The following S100A1 variants were observed in gnomAD, a reference collection of about 807,000 sequenced individuals.
S100A1 encodes the protein protein S100-A1.
In S100A1, 3 loss-of-function variants were observed where a neutral mutation model predicts 7.6. That is an observed-to-expected ratio of 0.40 (90% CI 0.18 to 1.02). The LOEUF (loss-of-function observed/expected upper bound fraction) is 1.02, where lower values mean the gene tolerates loss of function less well. S100A1 is among the 50% of genes least tolerant of loss of function. The pLI, the probability that S100A1 is intolerant of heterozygous loss-of-function variation, is 0.35. For synonymous variants in S100A1, 49 were observed against 49.0 expected, an observed-to-expected ratio of 1.00 and a Z score of 0.00; for missense variants, 126 against 115.0, an observed-to-expected ratio of 1.10 and a Z score of -0.44.
chr1:153,630,724 C>T lies in S100A1; in HGVS notation c.141+62C>T, dbSNP rs930598764. Reference sequence around the variant, plus strand: ...GAAGGTTGGGGGAATGGGGTGGACACCCCCTTGCTATCTCCCCACCCCACC... The same window carrying T: ...GAAGGTTGGGGGAATGGGGTGGACATCCCCTTGCTATCTCCCCACCCCACC... On this transcript the variant is annotated intron_variant, in intron 2 of 2. Transcript: ENST00000292169. The T allele has an allele frequency of 3.2e-6, 5 of 1,581,292 alleles. No individual in the cohort carries two copies. In the African/African-American group the frequency reaches 6.7e-5, roughly 21 times the overall value.
intron 1 of S100A1, 44 bp from the exon 2 acceptor site, chr1:153,630,465 T>C (rs989297776): frequency 7.5e-6 from 12 of 1,602,762 alleles, no homozygotes; most frequent in African/African-American, 4.0e-5. Flanking sequence ...CCCCAGGTAC[T>C]CCGGGCCTGG....
intron 1 of S100A1, 192 bp from the exon 2 acceptor site, chr1:153,630,317 A>C: frequency 7.9e-6 from 5 of 636,406 alleles, no homozygotes; most frequent in Non-Finnish European, 1.3e-5. Flanking sequence ...GACACAGAGA[A>C]CAGGCCTGCA....
intron 2 of S100A1, 29 bp downstream of exon 2, chr1:153,630,691 G>C (rs1236920994): frequency 6.2e-7 from 1 of 1,611,644 alleles, no homozygotes; most frequent in Non-Finnish European, 8.5e-7. Flanking sequence ...AGTGGGAGTG[G>C]AGTGGGTGAA....
intron 1 of S100A1, chr1:153,629,267 C>T (rs915755353): frequency 6.6e-6 from 1 of 152,298 alleles, no homozygotes; most frequent in Admixed American, 6.5e-5. Context: ...CAGCACCCCT[C>T]CCTCAAGCAC....
chr1:153,630,321 G>A, intron 1 of S100A1, 188 bp from the exon 2 acceptor site: 2 of 678,080 alleles, frequency 2.9e-6, no homozygotes, highest in Non-Finnish European at 4.8e-6. Context: ...CAGAGAACAG[G>A]CCTGCACTTA....
At chr1:153,631,396 C>A in intron 2 of S100A1, 1 of 1,393,682 alleles carries the variant, frequency 7.2e-7, no homozygotes, top group Non-Finnish European at 9.8e-7. Context: ...ACATACCTCA[C>A]ATTATTTGTA....
intron 2 of S100A1, chr1:153,631,475 A>G (rs764118984): frequency 6.9e-6 from 11 of 1,595,008 alleles, no homozygotes; most frequent in Non-Finnish European, 9.4e-6. Context: ...GGCACTGAAC[A>G]TACGGTAACT....
At chr1:153,628,588 C>T (rs966579046) in intron 1 of S100A1, 92 bp downstream of exon 1, 246 of 1,493,368 alleles carry the variant, frequency 1.6e-4, no homozygotes, top group Non-Finnish European at 2.1e-4. Flanking sequence ...GGGACCATAG[C>T]ACTGTGGAGC....
intron 2 of S100A1, chr1:153,631,272 T>C: frequency 1.6e-6 from 1 of 616,494 alleles, no homozygotes; most frequent in Non-Finnish European, 2.8e-6. Context: ...TTTTGAGGTT[T>C]TATTGGACTG....
chr1:153,628,518 G>A, intron 1 of S100A1, 22 bp downstream of exon 1: 1 of 1,550,438 alleles, frequency 6.4e-7, no homozygotes, highest in Non-Finnish European at 8.7e-7. Flanking sequence ...GCCCCACTGG[G>A]CTAGTCCCTG....
chr1:153,631,651 C>T, intron 2 of S100A1, 47 bp from the exon 3 acceptor site: 2 of 1,613,800 alleles, frequency 1.2e-6, no homozygotes, highest in Non-Finnish European at 1.7e-6. Context: ...TGACTCAGTG[C>T]TGTACCCTTC....
chr1:153,630,810 C>A, intron 2 of S100A1, 148 bp downstream of exon 2: 3 of 1,038,136 alleles, frequency 2.9e-6, no homozygotes, highest in Non-Finnish European at 2.8e-6. Context: ...TTTTTCCAGG[C>A]TCCCCTACTC....
At chr1:153,630,893 A>G (rs1462075102) in intron 2 of S100A1, 3 of 516,236 alleles carry the variant, frequency 5.8e-6, no homozygotes, top group Admixed American at 7.0e-5. Context: ...AGATTCATCA[A>G]TAATAAGACA....
At chr1:153,631,517 A>G in intron 2 of S100A1, 181 bp from the exon 3 acceptor site, 1 of 1,613,386 alleles carries the variant, frequency 6.2e-7, no homozygotes, top group Non-Finnish European at 8.5e-7. Context: ...GCCAGGTGAA[A>G]GAGCTTATGC....
At chr1:153,630,788 T>C in intron 2 of S100A1, 126 bp downstream of exon 2, 1 of 1,311,558 alleles carries the variant, frequency 7.6e-7, no homozygotes. Flanking sequence ...TTTCCCAGGC[T>C]TCTCTCCTGG....
At chr1:153,631,334 T>C in intron 2 of S100A1, 6 of 931,068 alleles carry the variant, frequency 6.4e-6, no homozygotes, top group Non-Finnish European at 9.5e-6. Flanking sequence ...TGGGCATATT[T>C]ATTTAACCAC....
At chr1:153,628,630 A>T (rs932204951) in intron 1 of S100A1, 134 bp downstream of exon 1, 6 of 1,408,388 alleles carry the variant, frequency 4.3e-6, no homozygotes, top group Non-Finnish European at 5.6e-6. Flanking sequence ...AGTCAGGGTG[A>T]GGGCAGTTTG....
intron 1 of S100A1, chr1:153,628,894 G>C (rs936877105): frequency 1.7e-4 from 32 of 191,780 alleles, no homozygotes; most frequent in Non-Finnish European, 1.4e-4. Flanking sequence ...TACAACAGCT[G>C]TTTCTGCCCC....
At position 153,628,889 on chromosome 1, in the gene S100A1, C is replaced by T. The variant is rs1239914041; in HGVS notation, c.-14+393C>T. On this transcript the variant is annotated intron_variant, in intron 1 of 2. Transcript: ENST00000292169. ...TGGGGTAAGAAGAGAGCAGATACAACAGCTGTTTCTGCCCCCACCTCTCCT... is the reference window on the plus strand; with the variant it reads ...TGGGGTAAGAAGAGAGCAGATACAATAGCTGTTTCTGCCCCCACCTCTCCT... The T allele has an allele frequency of 2.0e-5, 4 of 198,800 alleles. No homozygotes were observed. In the East Asian group the frequency reaches 4.7e-4, roughly 23 times the overall value. The allele number at this position is 198,800 out of a possible 1,614,324, so 12.3% of individuals were successfully genotyped here. A position where few individuals can be genotyped will look rare whatever the true frequency, so the allele number is the denominator to read the frequency against.
Sources: allele counts gnomAD v4.1 joint callset, GRCh38; gene constraint gnomAD v4.1.1; transcripts MANE v1.5; gene names NCBI Gene and HGNC (gene_info 2026-07-23, HGNC 2026-07-21).